Variants in DCAF4 observed in about 807,000 individuals in gnomAD.
The protein encoded by DCAF4 is DDB1 and CUL4 associated factor 4.
A neutral mutation model predicts 60.9 loss-of-function variants in DCAF4; 37 were observed. The ratio of observed to expected loss-of-function variants is 0.61; its 90% CI spans 0.47 to 0.80. DCAF4 has a LOEUF of 0.80. DCAF4 is among the 30% of genes least tolerant of loss of function. The pLI, the probability that DCAF4 is intolerant of heterozygous loss-of-function variation, is 0.00. For synonymous variants in DCAF4, 243 were observed against 254.8 expected, an observed-to-expected ratio of 0.95 and a Z score of 0.44; for missense variants, 577 against 650.0, an observed-to-expected ratio of 0.89 and a Z score of 1.22.
At chr14:72,936,380 A>G (rs1163571375) in intron 1 of DCAF4, among the ~76,000 whole-genome samples, 1 of 152,150 alleles carries the variant, frequency 6.6e-6, no homozygotes, top group Non-Finnish European at 1.5e-5. Context: ...CCTGGCCAAC[A>G]TGGTGAAACC....
At chr14:72,961,248 G>C (rs1892809135), downstream of DCAF4, among the ~76,000 whole-genome samples, 1 of 152,158 alleles carries the variant, frequency 6.6e-6, no homozygotes, top group South Asian at 2.1e-4. Context: ...AGTTAAAGTG[G>C]TTTGGCAAGA....
At chr14:72,952,992 CTTTTT>C (rs34917327) in intron 9 of DCAF4, among the ~76,000 whole-genome samples, 1 of 41,594 alleles carries the variant, frequency 2.4e-5, no homozygotes, top group African/African-American at 1.0e-4. Context: ...AATGCCCGGC[CTTTTT>C]TTTTTTTTTT....
At position 72,959,470 on chromosome 14, in the gene DCAF4, A is replaced by G; in HGVS notation, c.*665A>G. On this transcript the variant is annotated 3_prime_UTR_variant, in exon 14 of 14. Transcript: ENST00000358377. The stretch of plus-strand genomic sequence containing the variant: ...ATGCCTTTGTTCAAGCACCTTCCAG[A>G]ATGTAAGGTTCAGCAGCTCTGGTTT... The G allele has an allele frequency of 2.0e-6, 2 of 985,558 alleles. No individual in the cohort carries two copies. Among genetic ancestry groups the G allele is most frequent in the Non-Finnish European group, 2.4e-6 (2 of 829,930 alleles). 61.1% of individuals were successfully genotyped at this position (985,558 alleles called of 1,614,324 possible). A position where few individuals can be genotyped will look rare whatever the true frequency, so the allele number is the denominator to read the frequency against.
chr14:72,945,459 T>G (rs747560478), intron 6 of DCAF4, among the ~76,000 whole-genome samples: 24 of 143,760 alleles, frequency 1.7e-4, no homozygotes, highest in Admixed American at 6.9e-5. Flanking sequence ...CAATGCAATT[T>G]TTTTTTCATG....
rs748595467 is a variant in DCAF4, at chr14:72,945,903, G to A, written c.554G>A (p.Arg185Gln). The change falls in exon 7 of 14, where the codon CGG becomes CAG. Residue 185 changes from arginine (R) to glutamine (Q), a missense_variant. By Grantham distance (43) the Arg-to-Gln change is conservative. Transcript: ENST00000358377. ...NLILADTNSD[R>Q]LFTVNDVKVG... is the part of the protein sequence containing the mutation. ...CTCCAGGCAGATACCAACAGTGACC[G>A]GCTCTTCACAGTGAACGATGTTAAA... 3.1e-6 allele frequency: 5 copies of A among 1,614,152 alleles called. No individual in the cohort carries two copies. The highest frequency in any genetic ancestry group is 2.2e-5 in the East Asian group (1 of 44,878).
At chr14:72,954,504 C>G in intron 11 of DCAF4, 21 bp downstream of exon 11, 1 of 1,612,106 alleles carries the variant, frequency 6.2e-7, no homozygotes, top group South Asian at 1.1e-5. Context: ...TTGGGACAGG[C>G]AGAATATAAA....
Position 72,955,549 on chromosome 14 carries a change from C to A in DCAF4, c.1032C>A (p.Arg344=). The change falls in exon 12 of 14, where the codon CGC becomes CGA. Residue 344 remains arginine, a synonymous_variant. Coordinates refer to ENST00000358377, the MANE Select transcript of DCAF4 (RefSeq NM_015604.4). The stretch of plus-strand genomic sequence containing the variant: ...CTCCTCTGCTGTTTAATGGCTGCCG[C>A]TCTGGGGAAATCTTTGCCATTGATC... ...LMAPLLFNGC[R]SGEIFAIDLR... 1 of 1,614,070 alleles carries A rather than the reference C, an allele frequency of 6.2e-7. No individual in the cohort carries two copies. Among genetic ancestry groups the A allele is most frequent in the Non-Finnish European group, 8.5e-7 (1 of 1,179,980 alleles).
At chr14:72,951,928 T>C (rs1225268935) in intron 9 of DCAF4, 51 bp downstream of exon 9, 1 of 1,597,418 alleles carries the variant, frequency 6.3e-7, no homozygotes, top group East Asian at 2.2e-5. Context: ...TCCCGAGAGC[T>C]GTGTGGGGGT....
At chr14:72,938,728 A>G (rs1889625404) in intron 2 of DCAF4, among the ~76,000 whole-genome samples, 1 of 152,114 alleles carries the variant, frequency 6.6e-6, no homozygotes, top group Admixed American at 6.5e-5. Flanking sequence ...AGATACAGTA[A>G]AAATAGGGTA....
At chr14:72,930,423 C>G (rs1304331390) in intron 1 of DCAF4, among the ~76,000 whole-genome samples, 2 of 152,128 alleles carry the variant, frequency 1.3e-5, no homozygotes, top group African/African-American at 4.8e-5. Flanking sequence ...CGCCCGCCAC[C>G]ACACCGAGCT....
At chr14:72,945,395 T>TA (rs374834364) in intron 6 of DCAF4, among the ~76,000 whole-genome samples, 7,169 of 150,244 alleles carry the variant, frequency 0.048, 226 homozygotes, top group Non-Finnish European at 0.075. Flanking sequence ...CCCCACCTCT[T>TA]AAAAAAAAAT....
Position 72,941,658 on chromosome 14 carries a change from T to C in DCAF4, c.352-87T>C. The C allele has an allele frequency of 5.4e-6, 7 of 1,284,988 alleles. 1 individual carries two copies. The South Asian group carries it at 9.1e-5, about 17-fold the overall frequency. The allele number at this position is 1,284,988 out of a possible 1,614,324, so 79.6% of individuals were successfully genotyped here. On this transcript the variant is annotated intron_variant, in intron 4 of 13. Transcript: ENST00000358377. Reference sequence around the variant, plus strand: ...CCAATTTAGTGCCTGTTTCCTTCATTACATCCTATGGAACTAAAAACATTC... The same window carrying C: ...CCAATTTAGTGCCTGTTTCCTTCATCACATCCTATGGAACTAAAAACATTC...
intron 2 of DCAF4, among the ~76,000 whole-genome samples, chr14:72,938,665 G>T (rs1889617670): frequency 6.6e-6 from 1 of 152,134 alleles, no homozygotes. Flanking sequence ...TGTGACTACT[G>T]AATGCTAGAG....
intron 1 of DCAF4, among the ~76,000 whole-genome samples, chr14:72,930,344 C>A (rs1387474283): frequency 6.6e-6 from 1 of 151,976 alleles, no homozygotes; most frequent in Non-Finnish European, 1.5e-5. Flanking sequence ...TCTCGGCTCA[C>A]TGCAGCCTCC....
intron 12 of DCAF4, 90 bp downstream of exon 12, chr14:72,955,786 C>G: frequency 8.0e-7 from 1 of 1,255,806 alleles, no homozygotes; most frequent in Non-Finnish European, 1.1e-6. Context: ...GTCCTCACAC[C>G]AAGACCCCAG....
At chr14:72,953,110 C>T (rs1416822360) in intron 9 of DCAF4, among the ~76,000 whole-genome samples, 1 of 148,324 alleles carries the variant, frequency 6.7e-6, no homozygotes, top group African/African-American at 2.5e-5. Flanking sequence ...AAGCGATTCT[C>T]CTGCCTCAGC....
rs1000226251 is a variant in DCAF4 at position 72,929,849 on chromosome 14, G to T, written c.-9+3306G>T. 6 of 1,462,588 alleles carry T rather than the reference G, an allele frequency of 4.1e-6. No homozygotes were observed. The African/African-American group carries it at 7.2e-5, about 17-fold the overall frequency. 90.6% of individuals were successfully genotyped at this position (1,462,588 alleles called of 1,614,324 possible). On this transcript the variant is annotated intron_variant, in intron 1 of 13. Transcript: ENST00000358377. ...CGTTTGCTCAGACGCCCGCGGCGGC[G>T]GCTGTGCCTGGGCTTGCTCACGTTC...
At chr14:72,953,489 C>T (rs547874723) in intron 9 of DCAF4, among the ~76,000 whole-genome samples, 61 of 151,414 alleles carry the variant, frequency 4.0e-4, no homozygotes, top group African/African-American at 1.5e-3. Flanking sequence ...GCAGGATAAT[C>T]GTTTGAGCCC....
intron 1 of DCAF4, among the ~76,000 whole-genome samples, chr14:72,935,734 G>A (rs1340753138): frequency 6.6e-6 from 1 of 152,182 alleles, no homozygotes; most frequent in African/African-American, 2.4e-5. Flanking sequence ...CCCCTATTGA[G>A]AATAATGGTG....
Sources: gnomAD v4.1 joint callset for allele counts (sites outside exome capture counted in the v4.1 genomes callset) on GRCh38, gnomAD v4.1.1 for gene constraint, MANE v1.5 for transcripts, NCBI Gene and HGNC (gene_info 2026-07-23, HGNC 2026-07-21) for gene names.